Variants in CALN1 observed in about 807,000 individuals in gnomAD.
CALN1 encodes the protein calneuron 1, also known as calcium-binding protein 8.
CALN1 carries 17 observed loss-of-function variants against 30.6 expected under a neutral mutation model. The observed-to-expected ratio is 0.56, with a 90% CI of 0.38 to 0.83. The LOEUF is 0.83. Ranked by LOEUF, CALN1 falls within the 40% of genes least tolerant of loss-of-function variation. The pLI is 0.00. For synonymous variants in CALN1, 156 were observed against 131.4 expected (o/e 1.19, Z -1.28); for missense variants, 291 against 354.9 (o/e 0.82, Z 1.45).
chr7:71,956,429 T>C (rs1237004083), intron 5 of CALN1, among the ~76,000 whole-genome samples: 2 of 152,114 alleles, frequency 1.3e-5, no homozygotes, highest in African/African-American at 2.4e-5. Flanking sequence ...AATTTTACTA[T>C]TGGGCATTAT....
At chr7:71,995,904 G>A (rs567226872) in intron 5 of CALN1, among the ~76,000 whole-genome samples, 33 of 152,090 alleles carry the variant, frequency 2.2e-4, no homozygotes, top group Admixed American at 7.2e-4. Context: ...GGAGAATCTC[G>A]TCATAAAAAG....
intron 2 of CALN1, among the ~76,000 whole-genome samples, chr7:72,299,859 G>A (rs906659691): frequency 6.6e-6 from 1 of 151,870 alleles, no homozygotes; most frequent in East Asian, 1.9e-4. Context: ...TTCAATGGGG[G>A]AGAGTTTTTG....
At chr7:72,393,672 T>C (rs1175174635) in intron 2 of CALN1, among the ~76,000 whole-genome samples, 1 of 151,684 alleles carries the variant, frequency 6.6e-6, no homozygotes, top group East Asian at 1.9e-4. Flanking sequence ...TACAGAATTC[T>C]GATGCTCCAA....
chr7:72,172,055 C>A (rs1789010331), intron 3 of CALN1, among the ~76,000 whole-genome samples: 1 of 152,200 alleles, frequency 6.6e-6, no homozygotes, highest in Admixed American at 6.5e-5. Flanking sequence ...AATTATCTGT[C>A]TTTGCCATTG....
At chr7:72,288,823 A>G (rs919171487) in intron 2 of CALN1, among the ~76,000 whole-genome samples, 1 of 152,082 alleles carries the variant, frequency 6.6e-6, no homozygotes, top group African/African-American at 2.4e-5. Flanking sequence ...TTTCAATCTT[A>G]TTTTTAACCC....
intron 3 of CALN1, among the ~76,000 whole-genome samples, chr7:72,132,154 A>C (rs1809195208): frequency 6.6e-6 from 1 of 152,214 alleles, no homozygotes. Flanking sequence ...ATGTCTCAGT[A>C]AGCTCATTAT....
intron 3 of CALN1, among the ~76,000 whole-genome samples, chr7:72,209,845 G>C (rs982245291): frequency 6.6e-6 from 1 of 152,088 alleles, no homozygotes; most frequent in African/African-American, 2.4e-5. Flanking sequence ...TCAAGGCTTA[G>C]GTTCTGTTTC....
chr7:71,820,664 C>T (rs11495967), intron 5 of CALN1, among the ~76,000 whole-genome samples: 10 of 152,262 alleles, frequency 6.6e-5, no homozygotes, highest in African/African-American at 1.2e-4. Flanking sequence ...CTGAATCATA[C>T]GGTAATTCTA....
chr7:72,216,918 T>TGA (rs912141243), intron 3 of CALN1, among the ~76,000 whole-genome samples: 25 of 14,240 alleles, frequency 1.8e-3, no homozygotes, highest in African/African-American at 0.014. Context: ...CACCCACTGA[T>TGA]TTTTTTTAAG....
At chr7:71,956,936 G>T (rs1796989804) in intron 5 of CALN1, among the ~76,000 whole-genome samples, 1 of 151,588 alleles carries the variant, frequency 6.6e-6, no homozygotes, top group Non-Finnish European at 1.5e-5. Context: ...GACCTCAGGT[G>T]ATCCACCCAC....
intron 5 of CALN1, among the ~76,000 whole-genome samples, chr7:71,844,178 GA>G (rs1384168425): frequency 1.3e-5 from 2 of 152,124 alleles, no homozygotes; most frequent in Non-Finnish European, 2.9e-5. Context: ...CTATCTTTCT[GA>G]AGCCTCATTC....
intron 2 of CALN1, among the ~76,000 whole-genome samples, chr7:72,400,600 T>C (rs1806275269): frequency 6.6e-6 from 1 of 152,216 alleles, no homozygotes; most frequent in Non-Finnish European, 1.5e-5. Flanking sequence ...CCAGGCATCA[T>C]GGTTCAAGCC....
At chr7:71,797,838 C>T (rs1787019428) in intron 6 of CALN1, among the ~76,000 whole-genome samples, 1 of 152,162 alleles carries the variant, frequency 6.6e-6, no homozygotes, top group Admixed American at 6.6e-5. Flanking sequence ...TCACCTTTTC[C>T]ACCATCGCAA....
chr7:72,443,842 T>A (rs75322971), intron 1 of CALN1, among the ~76,000 whole-genome samples: 5,205 of 150,586 alleles, frequency 0.035, 374 homozygotes, highest in East Asian at 0.19. Context: ...TTATCTTTGA[T>A]CAACTTTTTT....
intron 5 of CALN1, among the ~76,000 whole-genome samples, chr7:71,963,022 T>C (rs1002226799): frequency 1.3e-5 from 2 of 152,168 alleles, no homozygotes; most frequent in South Asian, 4.2e-4. Flanking sequence ...GGTTTAAACA[T>C]AGGTATCCAA....
At chr7:71,958,203 C>T (rs557856281) in intron 5 of CALN1, among the ~76,000 whole-genome samples, 80 of 152,126 alleles carry the variant, frequency 5.3e-4, no homozygotes, top group African/African-American at 1.9e-3. Context: ...ATCTTAATAG[C>T]GTACATTGTA....
chr7:72,168,957 C>T (rs1373833932), intron 3 of CALN1, among the ~76,000 whole-genome samples: 6 of 151,896 alleles, frequency 4.0e-5, no homozygotes, highest in Admixed American at 3.9e-4. Context: ...AGGTGCCCCC[C>T]AACACGCTCA....
At chr7:71,974,092 G>T (rs978721681) in intron 5 of CALN1, among the ~76,000 whole-genome samples, 4 of 152,044 alleles carry the variant, frequency 2.6e-5, no homozygotes, top group African/African-American at 9.7e-5. Context: ...ACAAAATGAT[G>T]ATCTTTATTA....
chr7:71,885,755 C>T (rs550325660), intron 5 of CALN1, among the ~76,000 whole-genome samples: 8 of 152,316 alleles, frequency 5.3e-5, no homozygotes, highest in Non-Finnish European at 7.3e-5. Context: ...GCGCTGACCA[C>T]GAGCAGACAG....
Sources: gnomAD v4.1 joint callset for allele counts (sites outside exome capture counted in the v4.1 genomes callset) on GRCh38, gnomAD v4.1.1 for gene constraint, MANE v1.5 for transcripts, NCBI Gene and HGNC (gene_info 2026-07-23, HGNC 2026-07-21) for gene names.